The following UBXN10 variants were observed in gnomAD, a reference collection of about 807,000 sequenced individuals.
UBXN10 encodes UBX domain protein 10.
UBXN10 carries 6 observed loss-of-function variants against 6.9 expected under a neutral mutation model. That is an observed-to-expected ratio of 0.87 (90% CI 0.48 to 1.72). The LOEUF is 1.72. UBXN10 is among the 40% of genes most tolerant of loss of function. UBXN10 has a pLI of 0.01. For missense variants in UBXN10, 317 were observed against 348.4 expected (o/e 0.91, Z 0.72); for synonymous variants, 131 against 135.2 (o/e 0.97, Z 0.21).
intron 1 of UBXN10, chr1:20,186,496 C>T: frequency 6.6e-6 from 1 of 152,466 alleles, no homozygotes; most frequent in East Asian, 1.9e-4. Flanking sequence ...CAGTCTCCGG[C>T]AGGGCAGAGA....
At position 20,192,278 on chromosome 1, in the gene UBXN10, G is replaced by T. The variant is rs192369976; in HGVS notation, c.*874G>T. ...ACTGACAACCTCCTTGGCTTATTTG[G>T]GGGTGGAGCAATTGTTTTATTCCCC... On this transcript the variant is annotated 3_prime_UTR_variant, in exon 2 of 2. Transcript: ENST00000375099. 2.0e-4 allele frequency: 34 copies of T among 167,168 alleles called. No individual in the cohort carries two copies. The highest frequency in any genetic ancestry group is 1.5e-5 in the Non-Finnish European group (1 of 68,120). The allele number at this position is 167,168 out of a possible 1,614,324, so 10.4% of individuals were successfully genotyped here. A position where few individuals can be genotyped will look rare whatever the true frequency, so the allele number is the denominator to read the frequency against.
Position 20,190,960 on chromosome 1 carries a change from TGCCAAAAAG to T in UBXN10, c.404_412del (p.Lys135_Ala137del). ...TGGAGGAGGAGGCTGTGGAAACCGT[TGCCAAAAAG>T]GCCAGCTCACTGCAACTGAGCAGTA... On this transcript the variant is annotated inframe_deletion, in exon 2 of 2. Coordinates refer to ENST00000375099, the MANE Select transcript of UBXN10 (RefSeq NM_152376.5). 6.2e-7 allele frequency: 1 copy of T among 1,614,090 alleles called. No homozygotes were observed.
chr1:20,185,926 CA>C (rs1347167374), upstream of UBXN10, among the ~76,000 whole-genome samples: 2 of 152,232 alleles, frequency 1.3e-5, no homozygotes, highest in Non-Finnish European at 2.9e-5. Flanking sequence ...GCCTCCAGGC[CA>C]GGCAATCCAC....
rs2018499131 is a variant in UBXN10, at chr1:20,191,397, G to A, written c.836G>A (p.Trp279Ter). ...LGISLEDGEG[W>*]P ...ATCTCACTGGAAGATGGGGAAGGGT[G>A]GCCCTGAGTCCACAGCCACCCAGCT... The change falls in exon 2 of 2, where the codon TGG becomes TAG. Residue 279 changes from tryptophan (W) to a stop codon, truncating the protein, a stop_gained. Transcript: ENST00000375099. LOFTEE classifies it high-confidence loss of function. The surrounding 1 kb of genome is among the most constrained non-coding windows in gnomAD (Gnocchi z 4.5). The A allele has an allele frequency of 6.2e-7, 1 of 1,608,332 alleles. No individual in the cohort carries two copies.
rs757199409 is a variant in UBXN10 at position 20,191,025 on chromosome 1, C to G, written c.464C>G (p.Thr155Ser). The G allele has an allele frequency of 6.2e-7, 1 of 1,614,042 alleles. No individual in the cohort carries two copies. The part of the protein sequence containing the change: ...IRALYQDETG[T>S]MKTSEEDSRA... Reference sequence around the variant, plus strand: ...GCTCTTTACCAAGACGAGACGGGCACCATGAAGACAAGTGAAGAAGATTCC... The same window carrying G: ...GCTCTTTACCAAGACGAGACGGGCAGCATGAAGACAAGTGAAGAAGATTCC... The change falls in exon 2 of 2, where the codon ACC becomes AGC. Residue 155 changes from threonine (T) to serine (S), a missense_variant. Physicochemically the swap from Thr to Ser is moderately conservative, Grantham distance 58 (BLOSUM62 1). Coordinates refer to ENST00000375099, the MANE Select transcript of UBXN10 (RefSeq NM_152376.5). The surrounding 1 kb of genome is among the most constrained non-coding windows in gnomAD (Gnocchi z 4.5).
At chr1:20,188,825 G>C (rs1344058490) in intron 1 of UBXN10, among the ~76,000 whole-genome samples, 1 of 152,160 alleles carries the variant, frequency 6.6e-6, no homozygotes, top group African/African-American at 2.4e-5. Flanking sequence ...AAAAGTTCTA[G>C]AGCAAAACAA....
Position 20,187,525 on chromosome 1 carries a change from G to A in UBXN10, c.-16+1372G>A, listed in dbSNP as rs10157172. Among the ~76,000 whole-genome samples, 43,785 of 152,046 alleles carry A rather than the reference G, an allele frequency of 0.29. 7,167 individuals carry two copies. The highest frequency in any genetic ancestry group is 0.43 in the African/African-American group (17,981 of 41,446). Reference sequence around the variant, plus strand: ...CCCACCGCCCATCCCTGTGTGATGGGTGCTGGGGAGAGCTGGTGTTCCCTC... The same window carrying A: ...CCCACCGCCCATCCCTGTGTGATGGATGCTGGGGAGAGCTGGTGTTCCCTC... On this transcript the variant is annotated intron_variant, in intron 1 of 1. Transcript: ENST00000375099. This position sits in a 1 kb window ranked among gnomAD's most constrained non-coding sequence, Gnocchi z 4.6.
intron 1 of UBXN10, among the ~76,000 whole-genome samples, chr1:20,188,146 G>T (rs1448957921): frequency 6.6e-6 from 1 of 152,342 alleles, no homozygotes; most frequent in African/African-American, 2.4e-5. Context: ...TTGAGAAGGA[G>T]ACTAAAGGGG....
At chr1:20,183,386 G>A (rs113303331), upstream of UBXN10, among the ~76,000 whole-genome samples, 1,676 of 152,320 alleles carry the variant, frequency 0.011, 31 homozygotes, top group African/African-American at 0.037. Context: ...GGGGGAACAC[G>A]CAGGTGAGGA....
chr1:20,194,684 C>G lies in UBXN10; in HGVS notation c.*3280C>G, dbSNP rs1301738911. 1 of 167,068 alleles carries G rather than the reference C, an allele frequency of 6.0e-6. No homozygotes were observed. Among genetic ancestry groups the G allele is most frequent in the African/African-American group, 2.4e-5 (1 of 41,452 alleles). 10.3% of individuals were successfully genotyped at this position (167,068 alleles called of 1,614,324 possible). A position where few individuals can be genotyped will look rare whatever the true frequency, so the allele number is the denominator to read the frequency against. On this transcript the variant is annotated 3_prime_UTR_variant, in exon 2 of 2. Transcript: ENST00000375099. ...GGTTTCTAATGTCAAATAAAGCCACCCTGCCTCTTGGGACAAAGATGTTTC... is the reference window on the plus strand; with the variant it reads ...GGTTTCTAATGTCAAATAAAGCCACGCTGCCTCTTGGGACAAAGATGTTTC...
chr1:20,185,818 G>A (rs566727175), upstream of UBXN10, among the ~76,000 whole-genome samples: 7 of 152,290 alleles, frequency 4.6e-5, no homozygotes, highest in African/African-American at 1.4e-4. Context: ...TCCATGCCCC[G>A]GCCAGGGCTC....
chr1:20,190,963 C>G lies in UBXN10; in HGVS notation c.402C>G (p.Ala134=). Residue 134 remains alanine, a synonymous_variant, in exon 2 of 2, where the codon GCC becomes GCG. Transcript: ENST00000375099. ...AGGAGGAGGCTGTGGAAACCGTTGC[C>G]AAAAAGGCCAGCTCACTGCAACTGA... ...NLEEEAVETV[A]KKASSLQLSS... 6.2e-7 allele frequency: 1 copy of G among 1,614,082 alleles called. No homozygotes were observed. The highest frequency in any genetic ancestry group is 8.5e-7 in the Non-Finnish European group (1 of 1,180,022).
intron 1 of UBXN10, among the ~76,000 whole-genome samples, chr1:20,189,502 C>T (rs1262965821): frequency 6.6e-6 from 1 of 152,134 alleles, no homozygotes; most frequent in Non-Finnish European, 1.5e-5. Context: ...CACCATGCTT[C>T]AGTTCATTGC....
chr1:20,190,836 C>G lies in UBXN10; in HGVS notation c.275C>G (p.Ala92Gly). 3.1e-6 allele frequency: 5 copies of G among 1,614,032 alleles called. No homozygotes were observed. The highest frequency in any genetic ancestry group is 3.4e-6 in the Non-Finnish European group (4 of 1,180,038). The change falls in exon 2 of 2, where the codon GCT becomes GGT. Residue 92 changes from alanine (A) to glycine (G), a missense_variant. Coordinates refer to ENST00000375099, the MANE Select transcript of UBXN10 (RefSeq NM_152376.5). ...GCACCCAAATCTCCAAACCAGGGAG[C>G]TTCTGATGAGATCCCTGAGCTGCAG... ...ACAPKSPNQGASDEIPELQQQ... is the reference protein window; with the variant it reads ...ACAPKSPNQGGSDEIPELQQQ...
At position 20,191,583 on chromosome 1, in the gene UBXN10, C is replaced by A; in HGVS notation, c.*179C>A. Reference sequence around the variant, plus strand: ...GTGAAGTCTGTGCCTATGCCGAGCGCGCTAAGAAGTCTCCCTTCCAGCTGT... The same window carrying A: ...GTGAAGTCTGTGCCTATGCCGAGCGAGCTAAGAAGTCTCCCTTCCAGCTGT... On this transcript the variant is annotated 3_prime_UTR_variant, in exon 2 of 2. Coordinates refer to ENST00000375099, the MANE Select transcript of UBXN10 (RefSeq NM_152376.5). The surrounding 1 kb of genome is among the most constrained non-coding windows in gnomAD (Gnocchi z 4.5). 2.1e-6 allele frequency: 2 copies of A among 937,164 alleles called. No homozygotes were observed. The highest frequency in any genetic ancestry group is 1.6e-6 in the Non-Finnish European group (1 of 643,776). The allele number at this position is 937,164 out of a possible 1,614,324, so 58.1% of individuals were successfully genotyped here. A position where few individuals can be genotyped will look rare whatever the true frequency, so the allele number is the denominator to read the frequency against.
Position 20,194,050 on chromosome 1 carries a change from C to T in UBXN10, c.*2646C>T, listed in dbSNP as rs1192460822. 1.2e-5 allele frequency: 2 copies of T among 167,078 alleles called. No homozygotes were observed. Among genetic ancestry groups the T allele is most frequent in the African/African-American group, 2.4e-5 (1 of 41,434 alleles). 10.3% of individuals were successfully genotyped at this position (167,078 alleles called of 1,614,324 possible). ...GAAAGTGTTGGCAAGAAAACATGAA[C>T]CCACCATTGGACTCTCAACTCAAAC... On this transcript the variant is annotated 3_prime_UTR_variant, in exon 2 of 2. Coordinates refer to ENST00000375099, the MANE Select transcript of UBXN10 (RefSeq NM_152376.5).
At position 20,187,575 on chromosome 1, in the gene UBXN10, C is replaced by G. The variant is rs965390319; in HGVS notation, c.-16+1422C>G. Among the ~76,000 whole-genome samples the G allele has an allele frequency of 6.6e-6, 1 of 152,022 alleles. No individual in the cohort carries two copies. The highest frequency in any genetic ancestry group is 1.5e-5 in the Non-Finnish European group (1 of 67,982). On this transcript the variant is annotated intron_variant, in intron 1 of 1. Transcript: ENST00000375099. This position sits in a 1 kb window ranked among gnomAD's most constrained non-coding sequence, Gnocchi z 4.6. ...CCGTGTAACAGATGGTCCCTGTGCT[C>G]GGGAGGAGGCAGTGGGTTATGAAAG... is the stretch of plus-strand genomic sequence containing the variant.
intron 1 of UBXN10, among the ~76,000 whole-genome samples, chr1:20,189,166 C>A (rs113936643): frequency 1.9e-4 from 29 of 152,092 alleles, no homozygotes; most frequent in Non-Finnish European, 4.4e-5. Flanking sequence ...CTTTGTGACA[C>A]CTGGTCCTCT....
In UBXN10 at chr1:20,191,430, TG is replaced by T. The variant is rs777604044; in HGVS notation, c.*29del. The T allele has an allele frequency of 6.3e-7, 1 of 1,593,078 alleles. No homozygotes were observed. The highest frequency in any genetic ancestry group is 1.3e-5 in the African/African-American group (1 of 74,452). ...GTCCACAGCCACCCAGCTGAGGTCC[TG>T]GGTCTCTGAGCAAAGGAGCATGCTT... On this transcript the variant is annotated 3_prime_UTR_variant, in exon 2 of 2. Transcript: ENST00000375099. The surrounding 1 kb of genome is among the most constrained non-coding windows in gnomAD (Gnocchi z 4.5).
Sources: gnomAD v4.1 joint callset for allele counts (sites outside exome capture counted in the v4.1 genomes callset) on GRCh38, gnomAD v4.1.1 for gene constraint, Gnocchi (gnomAD v3.1) non-coding constraint, MANE v1.5 for transcripts, NCBI Gene and HGNC (gene_info 2026-07-23, HGNC 2026-07-21) for gene names.